Variants in BTBD3 observed in about 807,000 individuals in gnomAD.
The protein encoded by BTBD3 is BTB domain containing 3, also known as BTB/POZ domain-containing protein 3.
Under a neutral mutation model 41.6 loss-of-function variants are expected in BTBD3, and 14 were observed. The observed-to-expected ratio is 0.34, with a 90% confidence interval of 0.22 to 0.53. The LOEUF (loss-of-function observed/expected upper bound fraction) is 0.53, where lower values mean the gene tolerates loss of function less well. Ranked by LOEUF, BTBD3 falls within the 20% of genes least tolerant of loss-of-function variation. The pLI is 0.95. For missense variants in BTBD3, 426 were observed against 654.7 expected, an observed-to-expected ratio of 0.65 and a Z score of 3.81; for synonymous variants, 249 against 233.7, an observed-to-expected ratio of 1.07 and a Z score of -0.60.
intron 1 of BTBD3, chr20:11,910,245 T>G (rs2122242703): frequency 6.6e-6 from 1 of 152,230 alleles, no homozygotes; most frequent in Non-Finnish European, 1.5e-5. Flanking sequence ...CAAAAAAAAC[T>G]AATACTAGCC....
At chr20:11,903,612 A>C (rs1036603066) in intron 1 of BTBD3, among the ~76,000 whole-genome samples, 3 of 147,146 alleles carry the variant, frequency 2.0e-5, no homozygotes, top group African/African-American at 7.4e-5. Flanking sequence ...ACTGTTCTTA[A>C]TTTTTTTTTT....
At chr20:11,919,251 G>A (rs1429938972) in intron 2 of BTBD3, 75 bp downstream of exon 2, 1 of 1,446,600 alleles carries the variant, frequency 6.9e-7, no homozygotes, top group Non-Finnish European at 9.5e-7. Context: ...CTGTAACTTG[G>A]TGTGGGCAGC....
At chr20:11,915,625 A>G (rs567766890), upstream of BTBD3, among the ~76,000 whole-genome samples, 2 of 152,274 alleles carry the variant, frequency 1.3e-5, no homozygotes, top group African/African-American at 4.8e-5. Context: ...AAGAACCTGC[A>G]TTACTTGCCT....
chr20:11,906,555 T>C (rs1335173528), intron 1 of BTBD3, among the ~76,000 whole-genome samples: 1 of 152,084 alleles, frequency 6.6e-6, no homozygotes, highest in Non-Finnish European at 1.5e-5. Context: ...TGAGCCACCA[T>C]ACCCGGCCTG....
chr20:11,919,905 TA>T (rs1479469807), intron 3 of BTBD3, 69 bp downstream of exon 3: 1 of 1,320,352 alleles, frequency 7.6e-7, no homozygotes, highest in African/African-American at 1.4e-5. Context: ...GTTTCACAGT[TA>T]AATTTAAGTT....
intron 1 of BTBD3, among the ~76,000 whole-genome samples, chr20:11,893,885 CTTTTA>C (rs1366725428): frequency 6.6e-6 from 1 of 152,162 alleles, no homozygotes; most frequent in Non-Finnish European, 1.5e-5. Flanking sequence ...AAATATTGCA[CTTTTA>C]TTTAATATGA....
In BTBD3 at chr20:11,918,480, C is replaced by G; in HGVS notation, c.205C>G (p.Arg69Gly). 1 of 1,614,126 alleles carries G rather than the reference C, an allele frequency of 6.2e-7. No individual in the cohort carries two copies. Among genetic ancestry groups the G allele is most frequent in the East Asian group, 2.2e-5 (1 of 44,886 alleles). ...KKKMAADIFP[R>G]KKPANSSSTS... The stretch of plus-strand genomic sequence containing the variant: ...GAAGATGGCTGCTGATATATTCCCC[C>G]GTAAAAAGCCAGCCAACTCCAGCAG... Residue 69 changes from arginine (R) to glycine (G), a missense_variant, in exon 1 of 4, where the codon CGT (arginine) becomes GGT (glycine). This residue lies in a region of BTBD3 where 52 missense variants were observed against 45.1 expected (regional missense o/e 1.15). Coordinates refer to ENST00000378226, the MANE Select transcript of BTBD3 (RefSeq NM_014962.4).
chr20:11,908,890 G>A (rs1299468686), intron 1 of BTBD3, among the ~76,000 whole-genome samples: 4 of 152,148 alleles, frequency 2.6e-5, no homozygotes, highest in Non-Finnish European at 5.9e-5. Context: ...AAAGTATACT[G>A]TGCCTTTCTA....
rs755300828 is a variant in BTBD3 at position 11,924,501 on chromosome 20, A to T, written c.*835A>T. On this transcript the variant is annotated 3_prime_UTR_variant, in exon 4 of 4. Coordinates refer to ENST00000378226, the MANE Select transcript of BTBD3 (RefSeq NM_014962.4). Reference sequence around the variant, plus strand: ...TACTACAAATAATTTAATTGATGGCATATAAGAATATGCAGTTTGAAAAAG... The same window carrying T: ...TACTACAAATAATTTAATTGATGGCTTATAAGAATATGCAGTTTGAAAAAG... 1 of 152,654 alleles carries T rather than the reference A, an allele frequency of 6.6e-6. No homozygotes were observed. The highest frequency in any genetic ancestry group is 1.5e-5 in the Non-Finnish European group (1 of 68,032). The allele number at this position is 152,654 out of a possible 1,614,324, so 9.5% of individuals were successfully genotyped here.
At chr20:11,909,207 G>T (rs771210626) in intron 1 of BTBD3, among the ~76,000 whole-genome samples, 3 of 151,154 alleles carry the variant, frequency 2.0e-5, no homozygotes, top group Non-Finnish European at 2.9e-5. Flanking sequence ...CCTGGAGGCG[G>T]AGGTTGCAGT....
intron 3 of BTBD3, among the ~76,000 whole-genome samples, 183 bp from the exon 4 acceptor site, chr20:11,922,450 AC>A (rs2056978220): frequency 1.3e-5 from 2 of 152,200 alleles, no homozygotes; most frequent in Non-Finnish European, 2.9e-5. Flanking sequence ...AAACTTTACT[AC>A]TGGGTTAAAA....
chr20:11,906,869 C>T (rs1490373434), intron 1 of BTBD3, among the ~76,000 whole-genome samples: 1 of 152,176 alleles, frequency 6.6e-6, no homozygotes, highest in Non-Finnish European at 1.5e-5. Flanking sequence ...AGTGGAAATT[C>T]ATCGATTCAG....
upstream of BTBD3, among the ~76,000 whole-genome samples, chr20:11,914,777 T>C (rs919968049): frequency 6.6e-6 from 1 of 151,972 alleles, no homozygotes; most frequent in African/African-American, 2.4e-5. Context: ...AAGAAGAAAA[T>C]AGAAAATATC....
chr20:11,920,301 C>T (rs533805300), intron 3 of BTBD3, among the ~76,000 whole-genome samples: 2 of 152,116 alleles, frequency 1.3e-5, no homozygotes, highest in Non-Finnish European at 2.9e-5. Flanking sequence ...GAAAAACTTA[C>T]CATCTGTTGA....
intron 2 of BTBD3, 24 bp from the exon 3 acceptor site, chr20:11,919,694 A>T: frequency 6.2e-7 from 1 of 1,602,926 alleles, no homozygotes; most frequent in Non-Finnish European, 8.5e-7. Flanking sequence ...TAGTGTATGA[A>T]ATAAGATTTC....
upstream of BTBD3, among the ~76,000 whole-genome samples, chr20:11,914,290 A>G (rs912603029): frequency 3.9e-5 from 6 of 152,328 alleles, no homozygotes; most frequent in African/African-American, 9.6e-5. Context: ...ATTTGTATTT[A>G]ATGTAGTAGA....
At position 11,926,535 on chromosome 20, in the gene BTBD3, A is replaced by G. The variant is rs1346669588; in HGVS notation, c.*2869A>G. ...CTGTATTTTTAATGTAACAGTGCAG[A>G]TCTTGTTAGACACATGAATGTGTAT... On this transcript the variant is annotated 3_prime_UTR_variant, in exon 4 of 4. Transcript: ENST00000378226. The G allele has an allele frequency of 1.3e-5, 2 of 152,666 alleles. No homozygotes were observed. The highest frequency in any genetic ancestry group is 2.4e-5 in the African/African-American group (1 of 41,452). 9.5% of individuals were successfully genotyped at this position (152,666 alleles called of 1,614,324 possible). A position where few individuals can be genotyped will look rare whatever the true frequency, so the allele number is the denominator to read the frequency against.
chr20:11,922,656 G>T lies in BTBD3; in HGVS notation c.559G>T (p.Asp187Tyr). 6.2e-7 allele frequency: 1 copy of T among 1,613,472 alleles called. No homozygotes were observed. Among genetic ancestry groups the T allele is most frequent in the South Asian group, 1.1e-5 (1 of 90,950 alleles). ...CAGATATATCTATTGTGATGAAATTGACTTGGCTGCTGACACAGTGCTGGC... is the reference window on the plus strand; with the variant it reads ...CAGATATATCTATTGTGATGAAATTTACTTGGCTGCTGACACAGTGCTGGC... ...MLKYIYCDEI[D>Y]LAADTVLATL... Residue 187 changes from aspartate to tyrosine, a missense_variant, in exon 4 of 4, where the codon GAC becomes TAC. By Grantham distance (160) the Asp-to-Tyr change is radical (BLOSUM62 -3). Coordinates refer to ENST00000378226, the MANE Select transcript of BTBD3 (RefSeq NM_014962.4).
At chr20:11,910,834 C>G (rs1047476057) in intron 1 of BTBD3, among the ~76,000 whole-genome samples, 57 of 152,178 alleles carry the variant, frequency 3.7e-4, no homozygotes, top group African/African-American at 1.3e-3. Flanking sequence ...CCAGTCCTGG[C>G]AATGCAAATT....
Sources: allele counts gnomAD v4.1 joint callset (sites outside exome capture counted in the v4.1 genomes callset), GRCh38; gene constraint gnomAD v4.1.1; regional missense constraint gnomAD v4.1.1; transcripts MANE v1.5; gene names NCBI Gene and HGNC (gene_info 2026-07-23, HGNC 2026-07-21).